The following SUMF1 variants were observed in gnomAD, a reference collection of about 807,000 sequenced individuals.
SUMF1 encodes formylglycine-generating enzyme.
SUMF1 carries 48 observed loss-of-function variants against 47.6 expected under a neutral mutation model. That is an observed-to-expected ratio of 1.01 (90% CI 0.80 to 1.28). SUMF1 has a LOEUF of 1.28. Among genes scored for constraint, SUMF1 ranks in the 50% most tolerant of loss-of-function variants. The pLI is 0.00. For missense variants in SUMF1, 571 were observed against 485.4 expected (o/e 1.18, Z -1.66); for synonymous variants, 230 against 192.1 (o/e 1.20, Z -1.63).
At chr3:4,123,292 T>C (rs1469864587) in intron 8 of SUMF1, among the ~76,000 whole-genome samples, 1 of 152,016 alleles carries the variant, frequency 6.6e-6, no homozygotes, top group East Asian at 2.0e-4. Context: ...CAGCAGAAGC[T>C]AGTTTACTAA....
intron 3 of SUMF1, among the ~76,000 whole-genome samples, chr3:4,424,990 C>T (rs370591188): frequency 4.3e-4 from 65 of 152,312 alleles, no homozygotes; most frequent in African/African-American, 1.5e-3. Flanking sequence ...CTCTACCCAC[C>T]AGATGCCAGT....
At chr3:4,280,185 G>T (rs959508102) in intron 8 of SUMF1, among the ~76,000 whole-genome samples, 1 of 152,128 alleles carries the variant, frequency 6.6e-6, no homozygotes, top group African/African-American at 2.4e-5. Flanking sequence ...AAAGCATCAT[G>T]TTGTACATAA....
Position 4,428,590 on chromosome 3 carries a change from G to A in SUMF1, c.520-8444C>T, listed in dbSNP as rs1475075277. Among the ~76,000 whole-genome samples the A allele has an allele frequency of 2.0e-5, 3 of 152,278 alleles. No homozygotes were observed. The South Asian group carries it at 6.2e-4, about 32-fold the overall frequency. On this transcript the variant is annotated intron_variant, in intron 3 of 8. Coordinates refer to ENST00000272902, the MANE Select transcript of SUMF1 (RefSeq NM_182760.4). ...GCTGGTCTTGAACTCCTGTCCTCAA[G>A]CAATCCTCCCAACTCAGCCTCCCAA...
intron 8 of SUMF1, among the ~76,000 whole-genome samples, chr3:4,161,751 C>A (rs926110693): frequency 6.6e-6 from 1 of 152,076 alleles, no homozygotes; most frequent in African/African-American, 2.4e-5. Context: ...AGAGCCAAGA[C>A]CTAGAATCAG....
At chr3:4,273,075 T>C (rs1279210023) in intron 8 of SUMF1, among the ~76,000 whole-genome samples, 3 of 149,400 alleles carry the variant, frequency 2.0e-5, no homozygotes, top group Non-Finnish European at 4.4e-5. Context: ...TATATACATA[T>C]ATATAAATAT....
At chr3:4,192,691 G>T (rs1695345434) in intron 8 of SUMF1, among the ~76,000 whole-genome samples, 2 of 152,060 alleles carry the variant, frequency 1.3e-5, no homozygotes, top group Non-Finnish European at 2.9e-5. Flanking sequence ...ACTCAGGATG[G>T]GTCAAAGAAA....
chr3:4,091,611 T>C (rs1284187809), intron 8 of SUMF1, among the ~76,000 whole-genome samples: 1 of 152,122 alleles, frequency 6.6e-6, no homozygotes. Context: ...TCGAATAGGA[T>C]AACAGCCCTT....
chr3:4,101,611 T>C (rs1693034782), intron 8 of SUMF1, among the ~76,000 whole-genome samples: 1 of 152,098 alleles, frequency 6.6e-6, no homozygotes, highest in South Asian at 2.1e-4. Flanking sequence ...AATAATAATG[T>C]ATATTTCAAA....
intron 7 of SUMF1, among the ~76,000 whole-genome samples, chr3:4,380,083 A>C (rs966950246): frequency 6.6e-6 from 1 of 152,198 alleles, no homozygotes; most frequent in African/African-American, 2.4e-5. Flanking sequence ...ATACCACAGC[A>C]GGAAGAGCGG....
At chr3:4,387,126 G>T (rs368264404) in intron 7 of SUMF1, among the ~76,000 whole-genome samples, 1 of 151,994 alleles carries the variant, frequency 6.6e-6, no homozygotes, top group Non-Finnish European at 1.5e-5. Context: ...ATTAGAAAGT[G>T]TTCCCTTCTT....
At chr3:4,087,884 C>T (rs1692703952) in intron 8 of SUMF1, among the ~76,000 whole-genome samples, 1 of 151,866 alleles carries the variant, frequency 6.6e-6, no homozygotes, top group Admixed American at 6.6e-5. Context: ...ATAAATCAGC[C>T]ATTCCCAGCA....
chr3:4,352,440 A>G (rs2125157374), intron 8 of SUMF1, among the ~76,000 whole-genome samples: 1 of 152,266 alleles, frequency 6.6e-6, no homozygotes, highest in East Asian at 1.9e-4. Context: ...AACACAGTCT[A>G]CCAGGAGAAA....
chr3:4,424,976 T>C (rs1406179326), intron 3 of SUMF1, among the ~76,000 whole-genome samples: 1 of 152,244 alleles, frequency 6.6e-6, no homozygotes, highest in Non-Finnish European at 1.5e-5. Flanking sequence ...GCAGTGTCTC[T>C]GACCTCTACC....
chr3:4,425,902 G>T (rs747784361), intron 3 of SUMF1, among the ~76,000 whole-genome samples: 2 of 152,202 alleles, frequency 1.3e-5, no homozygotes, highest in African/African-American at 4.8e-5. Flanking sequence ...GAGGGCAAGA[G>T]AGCATGTGCA....
intron 1 of SUMF1, among the ~76,000 whole-genome samples, chr3:4,463,034 A>G (rs767060855): frequency 6.6e-6 from 1 of 152,254 alleles, no homozygotes; most frequent in African/African-American, 2.4e-5. Flanking sequence ...GACCTTCTCT[A>G]TTCCCAAGGC....
At chr3:4,187,038 CTGGA>C (rs1270388578) in intron 8 of SUMF1, among the ~76,000 whole-genome samples, 1 of 152,116 alleles carries the variant, frequency 6.6e-6, no homozygotes, top group Non-Finnish European at 1.5e-5. Flanking sequence ...GACTATACAA[CTGGA>C]TGGTGGACCA....
intron 9 of SUMF1, among the ~76,000 whole-genome samples, chr3:4,046,728 T>A (rs1430516621): frequency 6.6e-6 from 1 of 152,126 alleles, no homozygotes; most frequent in African/African-American, 2.4e-5. Flanking sequence ...ATCTCTCAAT[T>A]AGACTATTGA....
chr3:4,126,093 A>AC (rs1340105285), intron 8 of SUMF1, among the ~76,000 whole-genome samples: 1 of 58,284 alleles, frequency 1.7e-5, no homozygotes, highest in Non-Finnish European at 5.4e-5. Flanking sequence ...CCTTTCAAAT[A>AC]AAAAAAAATC....
intron 8 of SUMF1, among the ~76,000 whole-genome samples, chr3:4,175,057 C>G (rs1694927574): frequency 6.6e-6 from 1 of 152,224 alleles, no homozygotes; most frequent in African/African-American, 2.4e-5. Flanking sequence ...GGACCCACCA[C>G]AGCTCAACAA....
Sources: gnomAD v4.1 joint callset for allele counts (sites outside exome capture counted in the v4.1 genomes callset) on GRCh38, gnomAD v4.1.1 for gene constraint, MANE v1.5 for transcripts, NCBI Gene and HGNC (gene_info 2026-07-23, HGNC 2026-07-21) for gene names.